CCSER1: variants seen among roughly 807,000 people sequenced by gnomAD.
CCSER1 encodes coiled-coil serine rich protein 1.
CCSER1 carries 41 observed loss-of-function variants against 82.0 expected under a neutral mutation model. The observed-to-expected ratio is 0.50, with a 90% CI of 0.39 to 0.65. The LOEUF (loss-of-function observed/expected upper bound fraction) is 0.65. Ranked by LOEUF, CCSER1 falls within the 30% of genes least tolerant of loss-of-function variation. The pLI is 0.00. For missense variants in CCSER1, 1,119 were observed against 1,064.2 expected, an observed-to-expected ratio of 1.05 and a Z score of -0.72; for synonymous variants, 414 against 383.9, an observed-to-expected ratio of 1.08 and a Z score of -0.92.
chr4:91,531,077 A>C (rs1761006742), intron 10 of CCSER1, among the ~76,000 whole-genome samples: 1 of 152,144 alleles, frequency 6.6e-6, no homozygotes, highest in South Asian at 2.1e-4. Flanking sequence ...GGCCCCCAAA[A>C]TATTAAAAAG....
intron 10 of CCSER1, among the ~76,000 whole-genome samples, chr4:91,410,671 A>G (rs1270719689): frequency 6.6e-6 from 1 of 152,172 alleles, no homozygotes; most frequent in African/African-American, 2.4e-5. Flanking sequence ...AATAAAGGAA[A>G]GTATTAGGAA....
chr4:91,297,856 T>A (rs952914898), intron 10 of CCSER1, among the ~76,000 whole-genome samples: 3 of 151,998 alleles, frequency 2.0e-5, no homozygotes, highest in Non-Finnish European at 4.4e-5. Context: ...AAAAACAGTA[T>A]TTTTTGAATA....
At chr4:91,383,440 G>A (rs908981628) in intron 10 of CCSER1, among the ~76,000 whole-genome samples, 2 of 151,670 alleles carry the variant, frequency 1.3e-5, no homozygotes, top group African/African-American at 2.4e-5. Context: ...TGTAACTAGG[G>A]AAACAGTACT....
intron 10 of CCSER1, among the ~76,000 whole-genome samples, chr4:91,317,441 C>G (rs2149260621): frequency 6.6e-6 from 1 of 152,064 alleles, no homozygotes; most frequent in Admixed American, 6.6e-5. Flanking sequence ...ACACCCTCCC[C>G]ATTCTCTTTC....
intron 3 of CCSER1, among the ~76,000 whole-genome samples, chr4:90,370,697 G>T (rs1203215690): frequency 1.3e-5 from 2 of 151,902 alleles, no homozygotes; most frequent in African/African-American, 4.8e-5. Context: ...GCCCTTTCAA[G>T]AATAAAAGCT....
At chr4:91,407,593 A>G (rs1403228490) in intron 10 of CCSER1, among the ~76,000 whole-genome samples, 1 of 152,214 alleles carries the variant, frequency 6.6e-6, no homozygotes, top group Non-Finnish European at 1.5e-5. Context: ...TGTACAGGCT[A>G]TACAAGAAGC....
At chr4:90,747,696 C>T (rs1454044536) in intron 7 of CCSER1, among the ~76,000 whole-genome samples, 1 of 151,324 alleles carries the variant, frequency 6.6e-6, no homozygotes, top group East Asian at 1.9e-4. Context: ...TACATATGCA[C>T]GATGTGCAGG....
chr4:90,329,058 G>A (rs899564384), intron 3 of CCSER1, among the ~76,000 whole-genome samples: 13 of 152,016 alleles, frequency 8.6e-5, no homozygotes, highest in Non-Finnish European at 1.3e-4. Flanking sequence ...ATATGCACTT[G>A]TATTTTATCT....
intron 8 of CCSER1, among the ~76,000 whole-genome samples, chr4:90,898,110 TTAAG>T (rs1336595408): frequency 1.3e-5 from 2 of 151,796 alleles, no homozygotes; most frequent in East Asian, 1.9e-4. Context: ...GCTCTTTAGT[TTAAG>T]TAAGTCCCAT....
At chr4:90,390,313 C>T (rs781528749) in intron 3 of CCSER1, among the ~76,000 whole-genome samples, 7 of 151,992 alleles carry the variant, frequency 4.6e-5, no homozygotes, top group African/African-American at 1.5e-4. Flanking sequence ...ATTGAATATT[C>T]GGGGGTACAT....
intron 3 of CCSER1, among the ~76,000 whole-genome samples, chr4:90,396,615 T>C (rs1365590739): frequency 6.6e-6 from 1 of 152,170 alleles, no homozygotes. Flanking sequence ...CTCAAATTAT[T>C]CTATTTAGTC....
intron 5 of CCSER1, among the ~76,000 whole-genome samples, chr4:90,471,539 G>A (rs1764395369): frequency 6.6e-6 from 1 of 151,972 alleles, no homozygotes; most frequent in African/African-American, 2.4e-5. Context: ...AAACATAATA[G>A]AGATGCAAGA....
intron 9 of CCSER1, among the ~76,000 whole-genome samples, chr4:91,020,102 A>C (rs2150524147): frequency 6.6e-6 from 1 of 152,308 alleles, no homozygotes; most frequent in Middle Eastern, 3.4e-3. Context: ...ACAATGAATA[A>C]AAATAGCCAA....
At chr4:90,863,314 T>C (rs991073640) in intron 8 of CCSER1, among the ~76,000 whole-genome samples, 2 of 152,012 alleles carry the variant, frequency 1.3e-5, no homozygotes, top group Admixed American at 6.6e-5. Flanking sequence ...TTTATTAACA[T>C]CTTTTTCTTT....
In CCSER1 at chr4:90,978,019, C is replaced by A. The variant is rs974537489; in HGVS notation, c.2172+54572C>A. Among the ~76,000 whole-genome samples, 11 of 151,496 alleles carry A rather than the reference C, an allele frequency of 7.3e-5. No homozygotes were observed. In the East Asian group the frequency reaches 1.2e-3, roughly 16 times the overall value. On this transcript the variant is annotated intron_variant, in intron 9 of 10. Transcript: ENST00000509176. Reference sequence around the variant, plus strand: ...CATGTATATTAGGGGTTTCTGATATCCTGCAAATTACATCTAATACAGGAA... The same window carrying A: ...CATGTATATTAGGGGTTTCTGATATACTGCAAATTACATCTAATACAGGAA...
intron 10 of CCSER1, among the ~76,000 whole-genome samples, chr4:91,457,179 T>G (rs1333136700): frequency 1.3e-5 from 2 of 152,142 alleles, no homozygotes; most frequent in Non-Finnish European, 2.9e-5. Flanking sequence ...CAACTGATAT[T>G]CATATTATTT....
intron 4 of CCSER1, among the ~76,000 whole-genome samples, chr4:90,408,481 C>T (rs1754114634): frequency 6.6e-6 from 1 of 152,186 alleles, no homozygotes; most frequent in South Asian, 2.1e-4. Context: ...TCACCAATAT[C>T]CACTGTTCTG....
At chr4:91,156,680 T>A (rs1414506637) in intron 10 of CCSER1, among the ~76,000 whole-genome samples, 1 of 151,792 alleles carries the variant, frequency 6.6e-6, no homozygotes, top group African/African-American at 2.4e-5. Context: ...AAACAGGAAC[T>A]TCTTCATCTT....
At chr4:91,201,388 G>T (rs1205838998) in intron 10 of CCSER1, among the ~76,000 whole-genome samples, 1 of 152,042 alleles carries the variant, frequency 6.6e-6, no homozygotes, top group African/African-American at 2.4e-5. Flanking sequence ...ATGAATAAAT[G>T]AATGAAAGAT....
Sources: gnomAD v4.1 joint callset for allele counts (sites outside exome capture counted in the v4.1 genomes callset) on GRCh38, gnomAD v4.1.1 for gene constraint, MANE v1.5 for transcripts, NCBI Gene and HGNC (gene_info 2026-07-23, HGNC 2026-07-21) for gene names.